Variants in RARS1 observed in about 807,000 individuals in gnomAD.
The protein encoded by RARS1 is arginine--tRNA ligase, cytoplasmic.
Under a neutral mutation model 78.7 loss-of-function variants are expected in RARS1, and 75 were observed. That is an observed-to-expected ratio of 0.95 (90% confidence interval 0.79 to 1.15). The LOEUF is 1.15. Ranked by LOEUF, RARS1 falls within the 50% of genes most tolerant of loss-of-function variation. The pLI, the probability that RARS1 is intolerant of heterozygous loss-of-function variation, is 0.00. For synonymous variants in RARS1, 273 were observed against 268.2 expected, an observed-to-expected ratio of 1.02 and a Z score of -0.18; for missense variants, 787 against 787.5, an observed-to-expected ratio of 1.00 and a Z score of 0.01.
chr5:168,516,101 A>C (rs575552827), intron 12 of RARS1, among the ~76,000 whole-genome samples: 1 of 152,202 alleles, frequency 6.6e-6, no homozygotes, highest in Admixed American at 6.5e-5. Context: ...CTCCTTCCCA[A>C]TGTTTTCATT....
intron 3 of RARS1, among the ~76,000 whole-genome samples, chr5:168,493,505 AG>A (rs1294724904): frequency 1.3e-5 from 2 of 151,748 alleles, no homozygotes; most frequent in East Asian, 3.9e-4. Context: ...AAAAAGTTCG[AG>A]GTGTTGTAAT....
intron 14 of RARS1, among the ~76,000 whole-genome samples, chr5:168,518,292 A>G (rs1039732731): frequency 2.0e-5 from 3 of 151,760 alleles, no homozygotes; most frequent in Admixed American, 6.6e-5. Context: ...ATGGGGTGCC[A>G]TTAAAGCATT....
At chr5:168,516,102 T>C in intron 12 of RARS1, among the ~76,000 whole-genome samples, 1 of 152,172 alleles carries the variant, frequency 6.6e-6, no homozygotes, top group Non-Finnish European at 1.5e-5. Context: ...TCCTTCCCAA[T>C]GTTTTCATTC....
At chr5:168,497,163 C>G in intron 6 of RARS1, 65 bp from the exon 7 acceptor site, 1 of 1,227,332 alleles carries the variant, frequency 8.1e-7, no homozygotes, top group Non-Finnish European at 1.1e-6. Context: ...AATATAGTTC[C>G]TCTAATTTAA....
At position 168,507,773 on chromosome 5, in the gene RARS1, C is replaced by T. The variant is rs774326509; in HGVS notation, c.1346+942C>T. Among the ~76,000 whole-genome samples the T allele has an allele frequency of 5.9e-5, 9 of 151,994 alleles. No homozygotes were observed. In the East Asian group the frequency reaches 1.5e-3, roughly 26 times the overall value. ...ACACTAGGGGCTAGGCAAAGTGGCT[C>T]TCACGCCTGTAATTCCAGCACTTTA... On this transcript the variant is annotated intron_variant, in intron 11 of 14. Coordinates refer to ENST00000231572, the MANE Select transcript of RARS1 (RefSeq NM_002887.4).
In RARS1 at chr5:168,506,035, G is replaced by A. The variant is rs150702504; in HGVS notation, c.1072G>A (p.Asp358Asn). ...TTACCCCCTAGGATTTGTGCAGGTG[G>A]ATGATGGCAGAAAGATTGTATTTGT... ...EFEDRGFVQV[D>N]DGRKIVFVPG... The change falls in exon 10 of 15, where the codon GAT (aspartate) becomes AAT (asparagine). Residue 358 changes from aspartate (D) to asparagine (N), a missense_variant. By Grantham distance (23) the Asp-to-Asn change is conservative. Coordinates refer to ENST00000231572, the MANE Select transcript of RARS1 (RefSeq NM_002887.4). 9 of 1,602,394 alleles carry A rather than the reference G, an allele frequency of 5.6e-6. No individual in the cohort carries two copies. The African/African-American group carries it at 9.4e-5, about 17-fold the overall frequency.
intron 2 of RARS1, among the ~76,000 whole-genome samples, chr5:168,491,714 A>G (rs1402320252): frequency 1.3e-5 from 2 of 152,170 alleles, no homozygotes; most frequent in East Asian, 1.9e-4. Context: ...CGATTTTATT[A>G]TGTAGATGGA....
At position 168,518,184 on chromosome 5, in the gene RARS1, A is replaced by G. The variant is rs1035435484; in HGVS notation, c.1873+122A>G. 4.2e-6 allele frequency: 5 copies of G among 1,203,152 alleles called. No individual in the cohort carries two copies. The African/African-American group carries it at 4.8e-5, about 12-fold the overall frequency. 74.5% of individuals were successfully genotyped at this position (1,203,152 alleles called of 1,614,324 possible). On this transcript the variant is annotated intron_variant, in intron 14 of 14. Coordinates refer to ENST00000231572, the MANE Select transcript of RARS1 (RefSeq NM_002887.4). ...CTGAAGCCTCAAACTTCTGGCCTCA[A>G]GTGATTCTCCCACTTGAGCCTCCCG...
At position 168,516,776 on chromosome 5, in the gene RARS1, A is replaced by G; in HGVS notation, c.1453-2A>G. 6.2e-7 allele frequency: 1 copy of G among 1,613,848 alleles called. No homozygotes were observed. The highest frequency in any genetic ancestry group is 1.1e-5 in the South Asian group (1 of 91,062). ...TGAAATACTGTTTTGTTTTTCCCAA[A>G]GGTCTTAACTGCAGAGGAATTGAAT... On this transcript the variant is annotated splice_acceptor_variant, in intron 12 of 14. Coordinates refer to ENST00000231572, the MANE Select transcript of RARS1 (RefSeq NM_002887.4). LOFTEE classifies it high-confidence loss of function.
chr5:168,494,264 A>G (rs1414185275), intron 4 of RARS1: 1 of 985,434 alleles, frequency 1.0e-6, no homozygotes, highest in Non-Finnish European at 1.2e-6. Context: ...AATGGCAGAT[A>G]AGTCTTCGGC....
intron 4 of RARS1, 126 bp downstream of exon 4, chr5:168,494,128 G>A: frequency 8.0e-7 from 1 of 1,252,880 alleles, no homozygotes; most frequent in Non-Finnish European, 1.1e-6. Context: ...TGAAAGCACT[G>A]TGGATTGTGA....
At chr5:168,500,821 A>C (rs1190536574) in intron 8 of RARS1, 101 bp downstream of exon 8, 13 of 1,361,006 alleles carry the variant, frequency 9.6e-6, no homozygotes, top group African/African-American at 4.6e-5. Context: ...TTAACCTTCT[A>C]AGGACAGGCA....
chr5:168,487,926 G>C (rs919041390), intron 1 of RARS1, among the ~76,000 whole-genome samples: 4 of 152,092 alleles, frequency 2.6e-5, no homozygotes, highest in African/African-American at 9.7e-5. Flanking sequence ...AGGACATTTG[G>C]GTTTTTTAAG....
rs753046165 is a variant in RARS1 at position 168,495,369 on chromosome 5, C to G, written c.634C>G (p.Leu212Val). The G allele has an allele frequency of 5.0e-6, 8 of 1,613,896 alleles. No homozygotes were observed. The African/African-American group carries it at 9.3e-5, about 19-fold the overall frequency. ...AGCTAAAGAGATGCATGTAGGCCAC[C>G]TGAGGTCAACTATCATAGGAGAGAG... ...NIAKEMHVGH[L>V]RSTIIGESIS... is the part of the protein sequence containing the mutation. Residue 212 changes from leucine to valine, a missense_variant, in exon 6 of 15, where the codon CTG becomes GTG. Physicochemically the swap from Leu to Val is conservative, Grantham distance 32 (BLOSUM62 1). Transcript: ENST00000231572.
chr5:168,489,592 T>C (rs1758039546), intron 2 of RARS1, among the ~76,000 whole-genome samples: 1 of 152,168 alleles, frequency 6.6e-6, no homozygotes, highest in Admixed American at 6.5e-5. Flanking sequence ...ACCAATTTTG[T>C]TTTAAAAAAA....
intron 11 of RARS1, 98 bp from the exon 12 acceptor site, chr5:168,510,483 T>G: frequency 2.5e-6 from 2 of 813,204 alleles, no homozygotes; most frequent in Non-Finnish European, 4.0e-6. Flanking sequence ...AAACATATGT[T>G]GCAGTTTTGT....
At chr5:168,486,573 C>A in intron 1 of RARS1, 30 bp downstream of exon 1, 2 of 1,551,570 alleles carry the variant, frequency 1.3e-6, no homozygotes, top group Non-Finnish European at 1.7e-6. Flanking sequence ...GCGGGAAGGC[C>A]TGAAAGAGAT....
At chr5:168,488,328 A>G (rs1561818159) in intron 1 of RARS1, 7 of 372,186 alleles carry the variant, frequency 1.9e-5, no homozygotes, top group East Asian at 6.4e-5. Flanking sequence ...GCGTTTCGCT[A>G]TGTTTGCCAT....
Position 168,500,588 on chromosome 5 carries a change from C to G in RARS1, c.823-3C>G. The G allele has an allele frequency of 4.0e-6, 6 of 1,500,916 alleles. No homozygotes were observed. The highest frequency in any genetic ancestry group is 5.3e-6 in the Non-Finnish European group (6 of 1,131,234). 93.0% of individuals were successfully genotyped at this position (1,500,916 alleles called of 1,614,324 possible). On this transcript the variant is annotated splice_polypyrimidine_tract_variant and splice_region_variant and intron_variant, in intron 7 of 14. Coordinates refer to ENST00000231572, the MANE Select transcript of RARS1 (RefSeq NM_002887.4). ...TTACTTTTTAAAATATATATATATA[C>G]AGGAATCTAAGAAGAGGTTTGATAC...
Sources: gnomAD v4.1 joint callset for allele counts (sites outside exome capture counted in the v4.1 genomes callset) on GRCh38, gnomAD v4.1.1 for gene constraint, MANE v1.5 for transcripts, NCBI Gene and HGNC (gene_info 2026-07-23, HGNC 2026-07-21) for gene names.